The following SNX29 variants were observed in gnomAD, a reference collection of about 807,000 sequenced individuals.
The protein encoded by SNX29 is sorting nexin-29.
A neutral mutation model predicts 102.1 loss-of-function variants in SNX29; 78 were observed. That is an observed-to-expected ratio of 0.76 (90% CI 0.64 to 0.92). SNX29 has a LOEUF of 0.92. Among genes scored for constraint, SNX29 ranks in the 40% least tolerant of loss-of-function variants. The pLI, the probability that SNX29 is intolerant of heterozygous loss-of-function variation, is 0.00. For synonymous variants in SNX29, 580 were observed against 414.5 expected, an observed-to-expected ratio of 1.40 and a Z score of -4.85; for missense variants, 1,280 against 1,061.7, an observed-to-expected ratio of 1.21 and a Z score of -2.86.
At chr16:12,254,159 C>CGG (rs1567360997) in intron 14 of SNX29, among the ~76,000 whole-genome samples, 1 of 152,008 alleles carries the variant, frequency 6.6e-6, no homozygotes, top group African/African-American at 2.4e-5. Flanking sequence ...TGAACATCTA[C>CGG]GGAGAGACAG....
rs559969197 is a variant in SNX29, at chr16:12,570,583, T to C, written c.*1954T>C. 106 of 232,232 alleles carry C rather than the reference T, an allele frequency of 4.6e-4. 1 individual carries two copies. The highest frequency in any genetic ancestry group is 2.1e-3 in the African/African-American group (95 of 45,396). 14.4% of individuals were successfully genotyped at this position (232,232 alleles called of 1,614,324 possible). A position where few individuals can be genotyped will look rare whatever the true frequency, so the allele number is the denominator to read the frequency against. On this transcript the variant is annotated 3_prime_UTR_variant, in exon 21 of 21. Transcript: ENST00000566228. ...CTGTCTCAGGAGTGCCTCCCTGGCC[T>C]GGGTAGCTACCCTGGAGGTCATCTC...
At position 12,048,563 on chromosome 16, in the gene SNX29, A is replaced by C; in HGVS notation, c.691A>C (p.Ile231Leu). 1 of 1,613,836 alleles carries C rather than the reference A, an allele frequency of 6.2e-7. No individual in the cohort carries two copies. Residue 231 changes from isoleucine to leucine, a missense_variant, in exon 7 of 21, where the codon ATC becomes CTC. Coordinates refer to ENST00000566228, the MANE Select transcript of SNX29 (RefSeq NM_032167.5). ...AGCCTCCTCTGCCGTCTCCATCCTC[A>C]TCAAACCTGAACAGGAGACCGACCC... is the stretch of plus-strand genomic sequence containing the variant. ...ITASSAVSIL[I>L]KPEQETDPLP...
chr16:12,474,460 C>G, intron 18 of SNX29, among the ~76,000 whole-genome samples: 1 of 152,000 alleles, frequency 6.6e-6, no homozygotes, highest in South Asian at 2.1e-4. Context: ...ATGTGTGTTC[C>G]GGGGAGAGGC....
At chr16:12,161,556 G>T (rs148441911) in intron 13 of SNX29, among the ~76,000 whole-genome samples, 5 of 152,224 alleles carry the variant, frequency 3.3e-5, no homozygotes, top group Non-Finnish European at 7.4e-5. Flanking sequence ...CATCTGATAC[G>T]GTTTGGATGT....
chr16:12,222,961 C>G (rs943874536), intron 14 of SNX29, among the ~76,000 whole-genome samples: 7 of 152,236 alleles, frequency 4.6e-5, no homozygotes, highest in Admixed American at 2.0e-4. Flanking sequence ...TAAACTGAGG[C>G]TCAATGCAGG....
intron 17 of SNX29, among the ~76,000 whole-genome samples, chr16:12,400,206 G>C (rs930258525): frequency 6.6e-6 from 1 of 152,154 alleles, no homozygotes; most frequent in Non-Finnish European, 1.5e-5. Context: ...TGGAGCTTAC[G>C]AAGAAGGCCC....
At chr16:12,449,690 G>A (rs1454442412) in intron 18 of SNX29, among the ~76,000 whole-genome samples, 1 of 152,154 alleles carries the variant, frequency 6.6e-6, no homozygotes, top group Non-Finnish European at 1.5e-5. Flanking sequence ...CTGAGGTTAC[G>A]CAGGTTGCAT....
At position 12,572,351 on chromosome 16, in the gene SNX29, G is replaced by A; in HGVS notation, c.*3722G>A. The A allele has an allele frequency of 1.9e-6, 2 of 1,063,206 alleles. No homozygotes were observed. The highest frequency in any genetic ancestry group is 4.6e-5 in the South Asian group (1 of 21,978). The allele number at this position is 1,063,206 out of a possible 1,614,324, so 65.9% of individuals were successfully genotyped here. ...AGCCCACCAGCCTGCCTGGTTGATG[G>A]ACAGCAGGCTCTGCCTTCTGGAGGC... On this transcript the variant is annotated 3_prime_UTR_variant, in exon 21 of 21. Coordinates refer to ENST00000566228, the MANE Select transcript of SNX29 (RefSeq NM_032167.5).
chr16:12,428,090 A>C (rs2085157029), intron 18 of SNX29, among the ~76,000 whole-genome samples: 1 of 152,342 alleles, frequency 6.6e-6, no homozygotes, highest in Middle Eastern at 3.4e-3. Context: ...TTGAATATTC[A>C]GGGTTTTATT....
At chr16:12,526,058 T>A (rs2076774558) in intron 20 of SNX29, among the ~76,000 whole-genome samples, 1 of 152,206 alleles carries the variant, frequency 6.6e-6, no homozygotes, top group Non-Finnish European at 1.5e-5. Context: ...ATTTCTAAAA[T>A]CTTACCGTGA....
intron 18 of SNX29, among the ~76,000 whole-genome samples, chr16:12,418,522 C>T (rs1276387317): frequency 1.3e-5 from 2 of 148,418 alleles, no homozygotes; most frequent in African/African-American, 2.5e-5. Context: ...GTTTTCTTTT[C>T]TTTTTTTTTT....
chr16:12,134,586 A>G (rs1216357103), intron 13 of SNX29, among the ~76,000 whole-genome samples: 2 of 152,280 alleles, frequency 1.3e-5, no homozygotes, highest in South Asian at 4.2e-4. Context: ...AGGAGAAGAG[A>G]GCGCACCCAA....
At chr16:12,489,192 C>G (rs558648924) in intron 19 of SNX29, among the ~76,000 whole-genome samples, 6 of 152,034 alleles carry the variant, frequency 3.9e-5, no homozygotes, top group African/African-American at 1.4e-4. Flanking sequence ...CTTCAGTATT[C>G]TCATTAATAT....
At chr16:12,049,437 A>G (rs2050217396) in intron 7 of SNX29, among the ~76,000 whole-genome samples, 1 of 151,932 alleles carries the variant, frequency 6.6e-6, no homozygotes, top group Non-Finnish European at 1.5e-5. Context: ...GGTTCAAGCA[A>G]TTCTCCTGCC....
At chr16:12,266,295 T>C (rs1470932386) in intron 14 of SNX29, among the ~76,000 whole-genome samples, 1 of 152,126 alleles carries the variant, frequency 6.6e-6, no homozygotes, top group Admixed American at 6.5e-5. Context: ...GTATGGGGGT[T>C]TCTTCCACAC....
intron 15 of SNX29, among the ~76,000 whole-genome samples, chr16:12,283,023 C>T (rs1214209812): frequency 6.6e-6 from 1 of 152,208 alleles, no homozygotes; most frequent in Non-Finnish European, 1.5e-5. Context: ...AATAAGAGCA[C>T]ATGGGTTCTG....
rs191974933 is a variant in SNX29, at chr16:12,076,499, G to C, written c.1320-2334G>C. 3.9e-5 allele frequency among the ~76,000 whole-genome samples: 6 copies of C among 152,038 alleles called. No individual in the cohort carries two copies. In the East Asian group the frequency reaches 1.2e-3, roughly 30 times the overall value. ...TATTTTTCAGTAGAGACGGAGTTTCGCCATGTTGGCTAGGCTGGTCTCGAC... is the reference window on the plus strand; with the variant it reads ...TATTTTTCAGTAGAGACGGAGTTTCCCCATGTTGGCTAGGCTGGTCTCGAC... On this transcript the variant is annotated intron_variant, in intron 10 of 20. Coordinates refer to ENST00000566228, the MANE Select transcript of SNX29 (RefSeq NM_032167.5).
intron 18 of SNX29, among the ~76,000 whole-genome samples, chr16:12,429,044 C>T (rs2085203851): frequency 6.6e-6 from 1 of 151,474 alleles, no homozygotes; most frequent in Non-Finnish European, 1.5e-5. Flanking sequence ...CCTAGTTAAT[C>T]CCAACACACA....
At chr16:11,984,234 G>A (rs1467245828) in intron 1 of SNX29, among the ~76,000 whole-genome samples, 1 of 151,980 alleles carries the variant, frequency 6.6e-6, no homozygotes, top group Admixed American at 6.6e-5. Flanking sequence ...AGTGGTGCAT[G>A]CCCATGGTCC....
Sources: gnomAD v4.1 joint callset for allele counts (sites outside exome capture counted in the v4.1 genomes callset) on GRCh38, gnomAD v4.1.1 for gene constraint, MANE v1.5 for transcripts, NCBI Gene and HGNC (gene_info 2026-07-23, HGNC 2026-07-21) for gene names.